The following ZNF679 variants were observed in gnomAD, a reference collection of about 807,000 sequenced individuals.
ZNF679 encodes the protein zinc finger protein 679, also known as hypothetical protein MGC42415.
In ZNF679, 10 loss-of-function variants were observed where a neutral mutation model predicts 13.4. That is an observed-to-expected ratio of 0.75 (90% CI 0.46 to 1.27). The LOEUF (loss-of-function observed/expected upper bound fraction) is 1.27, where lower values mean the gene tolerates loss of function less well. Among genes scored for constraint, ZNF679 ranks in the 50% most tolerant of loss-of-function variants. The probability of loss-of-function intolerance (pLI) is 0.00; values close to 1 mark genes in which losing one functional copy is unlikely to be tolerated. For synonymous variants in ZNF679, 179 were observed against 162.5 expected (o/e 1.10, Z -0.77); for missense variants, 525 against 477.8 (o/e 1.10, Z -0.92).
At chr7:64,260,982 G>A (rs1788069555) in intron 4 of ZNF679, 53 bp downstream of exon 4, 7 of 1,534,730 alleles carry the variant, frequency 4.6e-6, no homozygotes, top group Non-Finnish European at 6.2e-6. Flanking sequence ...CAAAAGTCAA[G>A]GAGGAAGCCA....
At chr7:64,243,126 T>C (rs1020172094) in intron 1 of ZNF679, among the ~76,000 whole-genome samples, 2 of 152,190 alleles carry the variant, frequency 1.3e-5, no homozygotes, top group African/African-American at 4.8e-5. Context: ...TTATAGAATA[T>C]GCATGAGTGT....
chr7:64,250,957 T>C (rs1265867933), intron 2 of ZNF679, among the ~76,000 whole-genome samples: 2 of 152,172 alleles, frequency 1.3e-5, no homozygotes, highest in African/African-American at 4.8e-5. Context: ...TGCAGTAAAA[T>C]ATTAAATTTC....
At chr7:64,229,273 G>A (rs926118910) in intron 1 of ZNF679, among the ~76,000 whole-genome samples, 16 of 152,154 alleles carry the variant, frequency 1.1e-4, no homozygotes, top group African/African-American at 3.9e-4. Flanking sequence ...CTGTACGCAT[G>A]AGTGTTGTGA....
At chr7:64,232,845 AC>A (rs1434018700) in intron 1 of ZNF679, among the ~76,000 whole-genome samples, 1 of 152,162 alleles carries the variant, frequency 6.6e-6, no homozygotes, top group Non-Finnish European at 1.5e-5. Context: ...AATATGTTTC[AC>A]TGCTGCCTGT....
intron 2 of ZNF679, among the ~76,000 whole-genome samples, chr7:64,258,680 G>C (rs890517866): frequency 1.4e-5 from 2 of 143,856 alleles, no homozygotes; most frequent in Non-Finnish European, 3.0e-5. Flanking sequence ...CAGCCTGCTC[G>C]ACAGAGCAAG....
At chr7:64,254,008 A>G (rs1787972620) in intron 2 of ZNF679, among the ~76,000 whole-genome samples, 1 of 152,202 alleles carries the variant, frequency 6.6e-6, no homozygotes, top group African/African-American at 2.4e-5. Context: ...TGGCTATGTG[A>G]TAAGTGAGAA....
Position 64,260,944 on chromosome 7 carries a change from A to T in ZNF679, c.262+15A>T. ...CAAACACCCAGGTAAGTGAGAGTGG[A>T]TGAAGCGGATGACACAGATGAGAGG... On this transcript the variant is annotated intron_variant, in intron 4 of 4. Coordinates refer to ENST00000421025, the MANE Select transcript of ZNF679 (RefSeq NM_153363.3). 6.2e-7 allele frequency: 1 copy of T among 1,606,076 alleles called. No homozygotes were observed. The highest frequency in any genetic ancestry group is 1.1e-5 in the South Asian group (1 of 89,762).
intron 1 of ZNF679, among the ~76,000 whole-genome samples, chr7:64,240,628 C>T (rs1787785603): frequency 6.6e-6 from 1 of 152,170 alleles, no homozygotes; most frequent in African/African-American, 2.4e-5. Flanking sequence ...TCCTAAATCT[C>T]ACACATAAAT....
At position 64,260,941 on chromosome 7, in the gene ZNF679, T is replaced by C; in HGVS notation, c.262+12T>C. 1.2e-6 allele frequency: 2 copies of C among 1,606,132 alleles called. No homozygotes were observed. The highest frequency in any genetic ancestry group is 1.7e-6 in the Non-Finnish European group (2 of 1,176,844). On this transcript the variant is annotated intron_variant, in intron 4 of 4. Coordinates refer to ENST00000421025, the MANE Select transcript of ZNF679 (RefSeq NM_153363.3). ...AACCAAACACCCAGGTAAGTGAGAGTGGATGAAGCGGATGACACAGATGAG... is the reference window on the plus strand; with the variant it reads ...AACCAAACACCCAGGTAAGTGAGAGCGGATGAAGCGGATGACACAGATGAG...
At chr7:64,242,993 C>T (rs539412653) in intron 1 of ZNF679, among the ~76,000 whole-genome samples, 2 of 152,248 alleles carry the variant, frequency 1.3e-5, no homozygotes, top group South Asian at 4.1e-4. Flanking sequence ...AGGACCTCAC[C>T]AGTAAGTTTT....
rs371648973 is a variant in ZNF679, at chr7:64,250,890, A to G, written c.39+1734A>G. Among the ~76,000 whole-genome samples the G allele has an allele frequency of 1.3e-4, 20 of 152,208 alleles. No individual in the cohort carries two copies. In the East Asian group the frequency reaches 2.9e-3, roughly 22 times the overall value. On this transcript the variant is annotated intron_variant, in intron 2 of 4. Coordinates refer to ENST00000421025, the MANE Select transcript of ZNF679 (RefSeq NM_153363.3). ...GCGTGAGCCACCACGCCAGGCCTCA[A>G]CCGTGTCTTAAACAAGGTCTTAAGT...
At chr7:64,249,003 G>T in intron 1 of ZNF679, 25 bp from the exon 2 acceptor site, 2 of 1,492,196 alleles carry the variant, frequency 1.3e-6, no homozygotes, top group South Asian at 2.4e-5. Flanking sequence ...AATTTTCCGG[G>T]TCCTTTGTGT....
intron 2 of ZNF679, 21 bp downstream of exon 2, chr7:64,249,177 C>G: frequency 5.6e-6 from 9 of 1,614,002 alleles, no homozygotes; most frequent in Non-Finnish European, 7.6e-6. Flanking sequence ...GGTCTGTCAC[C>G]GTGAGAGAGG....
chr7:64,230,903 C>A (rs541999563), intron 1 of ZNF679, among the ~76,000 whole-genome samples: 1 of 152,330 alleles, frequency 6.6e-6, no homozygotes, highest in East Asian at 1.9e-4. Context: ...TGAAAGTCAT[C>A]ATCTTTTTCT....
chr7:64,229,444 C>T (rs2116501665), intron 1 of ZNF679, among the ~76,000 whole-genome samples: 1 of 152,214 alleles, frequency 6.6e-6, no homozygotes, highest in Non-Finnish European at 1.5e-5. Context: ...GACCTGTGGC[C>T]ACATCCACAT....
intron 1 of ZNF679, among the ~76,000 whole-genome samples, chr7:64,230,236 A>G (rs546509458): frequency 6.6e-6 from 1 of 152,364 alleles, no homozygotes; most frequent in African/African-American, 2.4e-5. Context: ...AATTTCCCCT[A>G]AGAAAAGGGC....
chr7:64,260,118 T>G (rs1788055297), intron 2 of ZNF679, 103 bp from the exon 3 acceptor site: 1 of 1,053,874 alleles, frequency 9.5e-7, no homozygotes, highest in Non-Finnish European at 1.4e-6. Context: ...AAACACTTCT[T>G]TTTACTCTCT....
chr7:64,250,422 A>G (rs1018032215), intron 2 of ZNF679, among the ~76,000 whole-genome samples: 5 of 150,898 alleles, frequency 3.3e-5, no homozygotes, highest in Non-Finnish European at 7.4e-5. Flanking sequence ...GGCACCCACC[A>G]CCACGCCCGG....
intron 2 of ZNF679, among the ~76,000 whole-genome samples, chr7:64,250,801 C>T (rs941245175): frequency 3.9e-5 from 6 of 152,028 alleles, no homozygotes; most frequent in African/African-American, 1.4e-4. Context: ...GTTGGCCAGG[C>T]TGGTCTCGAA....
Sources: allele counts gnomAD v4.1 joint callset (sites outside exome capture counted in the v4.1 genomes callset), GRCh38; gene constraint gnomAD v4.1.1; transcripts MANE v1.5; gene names NCBI Gene and HGNC (gene_info 2026-07-23, HGNC 2026-07-21).